The following KCNQ3 variants were observed in gnomAD, a reference collection of about 807,000 sequenced individuals.
KCNQ3 encodes the protein potassium voltage-gated channel subfamily Q member 3.
KCNQ3 carries 30 observed loss-of-function variants against 92.5 expected under a neutral mutation model. That is an observed-to-expected ratio of 0.32 (90% confidence interval 0.24 to 0.44). The LOEUF (loss-of-function observed/expected upper bound fraction) is 0.44. Among genes scored for constraint, KCNQ3 ranks in the 20% least tolerant of loss-of-function variants. KCNQ3 has a pLI of 1.00. For synonymous variants in KCNQ3, 450 were observed against 468.8 expected, an observed-to-expected ratio of 0.96 and a Z score of 0.52; for missense variants, 913 against 1,140.3, an observed-to-expected ratio of 0.80 and a Z score of 2.87.
At chr8:132,454,636 C>T (rs1821898393) in intron 1 of KCNQ3, among the ~76,000 whole-genome samples, 1 of 152,150 alleles carries the variant, frequency 6.6e-6, no homozygotes, top group South Asian at 2.1e-4. Flanking sequence ...CCCACACTGT[C>T]CTTTCCCCCG....
intron 1 of KCNQ3, among the ~76,000 whole-genome samples, chr8:132,453,831 C>A (rs1472086350): frequency 6.6e-6 from 1 of 152,202 alleles, no homozygotes; most frequent in Non-Finnish European, 1.5e-5. Context: ...AAGACGAAAG[C>A]TTCTCCCCAG....
intron 10 of KCNQ3, 76 bp downstream of exon 10, chr8:132,141,053 G>T: frequency 7.3e-7 from 1 of 1,361,034 alleles, no homozygotes; most frequent in South Asian, 1.2e-5. Context: ...AGTGGGCAAA[G>T]GGAGAGGTGA....
At position 132,469,106 on chromosome 8, in the gene KCNQ3, C is replaced by T. The variant is rs1219857039; in HGVS notation, c.386+11041G>A. On this transcript the variant is annotated intron_variant, in intron 1 of 14. Coordinates refer to ENST00000388996, the MANE Select transcript of KCNQ3 (RefSeq NM_004519.4). ...GACTTCAATTTTCTTATCTCCAAAC[C>T]TATGACTCTCTTCGTCTTTCCAAAG... Among the ~76,000 whole-genome samples, 3 of 152,210 alleles carry T rather than the reference C, an allele frequency of 2.0e-5. No individual in the cohort carries two copies. In the East Asian group the frequency reaches 5.8e-4, roughly 29 times the overall value.
intron 1 of KCNQ3, among the ~76,000 whole-genome samples, chr8:132,377,219 G>T (rs1270013268): frequency 6.6e-6 from 1 of 152,162 alleles, no homozygotes; most frequent in Non-Finnish European, 1.5e-5. Flanking sequence ...TGCTCTCTCT[G>T]CTTTGGTTAG....
chr8:132,316,466 C>T (rs1344763556), intron 1 of KCNQ3, among the ~76,000 whole-genome samples: 1 of 152,194 alleles, frequency 6.6e-6, no homozygotes, highest in Non-Finnish European at 1.5e-5. Context: ...CTTCTGATTT[C>T]TCATTAGTAA....
intron 1 of KCNQ3, among the ~76,000 whole-genome samples, chr8:132,432,815 G>A (rs549082370): frequency 9.2e-5 from 14 of 152,266 alleles, no homozygotes; most frequent in African/African-American, 2.4e-4. Context: ...AAAGCTTCAC[G>A]AGGGCAAGAA....
chr8:132,285,089 G>A (rs913729323), intron 1 of KCNQ3, among the ~76,000 whole-genome samples: 1 of 152,172 alleles, frequency 6.6e-6, no homozygotes, highest in Non-Finnish European at 1.5e-5. Context: ...AACATAAAAT[G>A]TACTGAGGCA....
intron 1 of KCNQ3, among the ~76,000 whole-genome samples, chr8:132,192,706 G>A (rs887204515): frequency 1.3e-5 from 2 of 152,146 alleles, no homozygotes; most frequent in Admixed American, 1.3e-4. Context: ...CTGGAGTGCA[G>A]TGACGCAATC....
At chr8:132,450,614 T>C (rs917748403) in intron 1 of KCNQ3, among the ~76,000 whole-genome samples, 1 of 152,168 alleles carries the variant, frequency 6.6e-6, no homozygotes, top group African/African-American at 2.4e-5. Context: ...TGAGGAATGG[T>C]TTCTGAAGAT....
intron 1 of KCNQ3, among the ~76,000 whole-genome samples, chr8:132,420,179 G>A (rs993607477): frequency 6.6e-6 from 1 of 152,054 alleles, no homozygotes; most frequent in African/African-American, 2.4e-5. Flanking sequence ...TTGTACAAGA[G>A]AGCACTAATC....
chr8:132,130,763 G>C (rs914220109), intron 14 of KCNQ3, among the ~76,000 whole-genome samples: 30 of 152,348 alleles, frequency 2.0e-4, no homozygotes, highest in Admixed American at 3.9e-4. Flanking sequence ...CAAGAACTGA[G>C]CTTCTCAGAA....
intron 1 of KCNQ3, among the ~76,000 whole-genome samples, chr8:132,270,265 G>T (rs1816110197): frequency 6.6e-6 from 1 of 152,224 alleles, no homozygotes; most frequent in Admixed American, 6.5e-5. Context: ...GTGGGGAAAA[G>T]GCTGTTTTTC....
At chr8:132,241,029 C>T (rs569963915) in intron 1 of KCNQ3, among the ~76,000 whole-genome samples, 107 of 151,948 alleles carry the variant, frequency 7.0e-4, no homozygotes, top group Admixed American at 1.4e-3. Flanking sequence ...GCTGGGATTA[C>T]AGGCACACGC....
At chr8:132,154,850 GAGA>G (rs1181539003) in intron 9 of KCNQ3, among the ~76,000 whole-genome samples, 1 of 152,164 alleles carries the variant, frequency 6.6e-6, no homozygotes, top group African/African-American at 2.4e-5. Context: ...CTGGTCATGT[GAGA>G]AGAACTCATT....
In KCNQ3 at chr8:132,422,728, C is replaced by T. The variant is rs537719787; in HGVS notation, c.386+57419G>A. ...TAACTAAGCACTTCATTTCCAAATC[C>T]TAATGCATAATTATTTGTCCATTTA... On this transcript the variant is annotated intron_variant, in intron 1 of 14. Transcript: ENST00000388996. 1.2e-4 allele frequency among the ~76,000 whole-genome samples: 19 copies of T among 152,326 alleles called. No individual in the cohort carries two copies. In the East Asian group the frequency reaches 1.7e-3, roughly 14 times the overall value.
chr8:132,132,886 T>G (rs1386054544), intron 13 of KCNQ3, among the ~76,000 whole-genome samples: 1 of 152,202 alleles, frequency 6.6e-6, no homozygotes, highest in East Asian at 1.9e-4. Context: ...GATAGAACTT[T>G]CAGGGAGTCT....
chr8:132,151,891 C>T (rs1453180526), intron 9 of KCNQ3, among the ~76,000 whole-genome samples: 1 of 152,110 alleles, frequency 6.6e-6, no homozygotes, highest in Non-Finnish European at 1.5e-5. Flanking sequence ...CTTCTTTAGG[C>T]TATATTTTGG....
chr8:132,366,962 TA>T (rs1007265417), intron 1 of KCNQ3, among the ~76,000 whole-genome samples: 9 of 152,068 alleles, frequency 5.9e-5, no homozygotes, highest in African/African-American at 1.9e-4. Context: ...AATTGCTTCA[TA>T]AAAAAAACTT....
chr8:132,249,046 C>T (rs1019510011), intron 1 of KCNQ3, among the ~76,000 whole-genome samples: 16 of 152,122 alleles, frequency 1.1e-4, no homozygotes, highest in African/African-American at 3.1e-4. Context: ...TTTCTTCCTT[C>T]TGGTGGGTTT....
Sources: gnomAD v4.1 joint callset for allele counts (sites outside exome capture counted in the v4.1 genomes callset) on GRCh38, gnomAD v4.1.1 for gene constraint, MANE v1.5 for transcripts, NCBI Gene and HGNC (gene_info 2026-07-23, HGNC 2026-07-21) for gene names.